OR5M1: variants seen among roughly 807,000 people sequenced by gnomAD.
OR5M1 encodes the protein olfactory receptor family 5 subfamily M member 1, also known as olfactory receptor 5M1.
For synonymous variants in OR5M1, 165 were observed against 144.2 expected, an observed-to-expected ratio of 1.14 and a Z score of -1.04; for missense variants, 367 against 379.5, an observed-to-expected ratio of 0.97 and a Z score of 0.27.
chr11:56,611,262 G>A lies in OR5M1; in HGVS notation c.*1293C>T, dbSNP rs1853674163. The A allele has an allele frequency of 6.6e-6, 1 of 152,066 alleles. No homozygotes were observed. The highest frequency in any genetic ancestry group is 2.4e-5 in the African/African-American group (1 of 41,424). The allele number at this position is 152,066 out of a possible 1,614,324, so 9.4% of individuals were successfully genotyped here. ...GCTAAAATGTAATTGTTAAATTCTT[G>A]TCACCGAAATTTGCCTTCCTTCTTT... On this transcript the variant is annotated 3_prime_UTR_variant, in exon 2 of 2. Coordinates refer to ENST00000641076, the MANE Select transcript of OR5M1 (RefSeq NM_001004740.2).
rs1430948559 is a variant in OR5M1, at chr11:56,610,188, G to A, written c.*2367C>T. ...TTAATATGAATATGTATGCCTTTGC[G>A]ACTGGGAAAATATATTAATAAAATG... On this transcript the variant is annotated 3_prime_UTR_variant, in exon 2 of 2. Coordinates refer to ENST00000641076, the MANE Select transcript of OR5M1 (RefSeq NM_001004740.2). 4 of 151,826 alleles carry A rather than the reference G, an allele frequency of 2.6e-5. No homozygotes were observed. The highest frequency in any genetic ancestry group is 4.8e-5 in the African/African-American group (2 of 41,378). 9.4% of individuals were successfully genotyped at this position (151,826 alleles called of 1,614,324 possible). A position where few individuals can be genotyped will look rare whatever the true frequency, so the allele number is the denominator to read the frequency against.
Position 56,613,472 on chromosome 11 carries a change from C to G in OR5M1, c.31G>C (p.Glu11Gln). The G allele has an allele frequency of 6.2e-7, 1 of 1,613,632 alleles. No homozygotes were observed. The highest frequency in any genetic ancestry group is 8.5e-7 in the Non-Finnish European group (1 of 1,179,614). The stretch of plus-strand genomic sequence containing the variant: ...TCTGTCAGTCCCAAGAGAATGAATT[C>G]TGTCACTATGGTGTGGTTTGGGGAG... MFSPNHTIVT[E>Q]FILLGLTDDP... is the part of the protein sequence containing the mutation. Residue 11 changes from glutamate to glutamine, a missense_variant, in exon 2 of 2, where the codon GAA becomes CAA. Coordinates refer to ENST00000641076, the MANE Select transcript of OR5M1 (RefSeq NM_001004740.2).
rs745610743 is a variant in OR5M1 at position 56,613,303 on chromosome 11, G to T, written c.200C>A (p.Ser67Tyr). ...GGAAGAATAGCAAATGTCTACAAAG[G>T]AGAGGTGGCCAAGGAAGAAATACAT... ...TPMYFFLGHL[S>Y]FVDICYSSNV... Residue 67 changes from serine to tyrosine, a missense_variant, in exon 2 of 2, where the codon TCC becomes TAC. By Grantham distance (144) the Ser-to-Tyr change is moderately radical. Coordinates refer to ENST00000641076, the MANE Select transcript of OR5M1 (RefSeq NM_001004740.2). 5.0e-6 allele frequency: 8 copies of T among 1,613,562 alleles called. No individual in the cohort carries two copies. The highest frequency in any genetic ancestry group is 6.8e-6 in the Non-Finnish European group (8 of 1,179,658).
At position 56,613,234 on chromosome 11, in the gene OR5M1, T is replaced by C. The variant is rs550177631; in HGVS notation, c.269A>G (p.Lys90Arg). Residue 90 changes from lysine (K) to arginine (R), a missense_variant, in exon 2 of 2, where the codon AAG (lysine) becomes AGG (arginine). Coordinates refer to ENST00000641076, the MANE Select transcript of OR5M1 (RefSeq NM_001004740.2). The stretch of plus-strand genomic sequence containing the variant: ...GAAGCATCCAGCGTAGGAGATGGTC[T>C]TCTGTTCTGAGAGGAAATTGTGCAG... The part of the protein sequence containing the change: ...NMLHNFLSEQ[K>R]TISYAGCFTQ... 1 of 1,613,730 alleles carries C rather than the reference T, an allele frequency of 6.2e-7. No homozygotes were observed. The highest frequency in any genetic ancestry group is 2.2e-5 in the East Asian group (1 of 44,880).
rs201321352 is a variant in OR5M1, at chr11:56,613,138, C to T, written c.365G>A (p.Arg122His). 1.1e-4 allele frequency: 170 copies of T among 1,613,808 alleles called. 1 individual carries two copies. In the African/African-American group the frequency reaches 1.5e-3, roughly 14 times the overall value. The change falls in exon 2 of 2, where the codon CGC becomes CAC. Residue 122 changes from arginine to histidine, a missense_variant. Transcript: ENST00000641076. ...CAAAGGGCTGCAAATGGCTACATAGCGATCCAATGCCATTGAAGCAAGGAT... is the reference window on the plus strand; with the variant it reads ...CAAAGGGCTGCAAATGGCTACATAGTGATCCAATGCCATTGAAGCAAGGAT... ...FYILASMALDRYVAICSPLHY... is the reference protein window; with the variant it reads ...FYILASMALDHYVAICSPLHY...
rs758892812 is a variant in OR5M1 at position 56,613,206 on chromosome 11, T to A, written c.297A>T (p.Thr99=). 1.2e-6 allele frequency: 2 copies of A among 1,613,742 alleles called. No individual in the cohort carries two copies. The highest frequency in any genetic ancestry group is 1.7e-6 in the Non-Finnish European group (2 of 1,179,734). Residue 99 remains threonine (T), a synonymous_variant, in exon 2 of 2, where the codon ACA becomes ACT. Transcript: ENST00000641076. ...QKTISYAGCF[T]QCLLFIALVI... ...CCAGGGCGATGAAGAGAAGACACTGTGTGAAGCATCCAGCGTAGGAGATGG... is the reference window on the plus strand; with the variant it reads ...CCAGGGCGATGAAGAGAAGACACTGAGTGAAGCATCCAGCGTAGGAGATGG...
chr11:56,613,819 AC>A (rs1343474230), intron 1 of OR5M1, among the ~76,000 whole-genome samples: 16 of 152,108 alleles, frequency 1.1e-4, no homozygotes, highest in African/African-American at 3.4e-4. Context: ...TTCTTGGTGT[AC>A]TCCACATTTG....
rs1853666317 is a variant in OR5M1 at position 56,610,760 on chromosome 11, A to T, written c.*1795T>A. 6.6e-6 allele frequency: 1 copy of T among 152,290 alleles called. No homozygotes were observed. Among genetic ancestry groups the T allele is most frequent in the South Asian group, 2.1e-4 (1 of 4,828 alleles). The allele number at this position is 152,290 out of a possible 1,614,324, so 9.4% of individuals were successfully genotyped here. A position where few individuals can be genotyped will look rare whatever the true frequency, so the allele number is the denominator to read the frequency against. ...TCTGAGGTGACTTTTACCCAAAGAC[A>T]TGCAGAAGGAAAAAATTAAATCACA... On this transcript the variant is annotated 3_prime_UTR_variant, in exon 2 of 2. Coordinates refer to ENST00000641076, the MANE Select transcript of OR5M1 (RefSeq NM_001004740.2).
Position 56,610,705 on chromosome 11 carries a change from A to G in OR5M1, c.*1850T>C, listed in dbSNP as rs558874017. 3.9e-5 allele frequency: 6 copies of G among 152,128 alleles called. No homozygotes were observed. The highest frequency in any genetic ancestry group is 7.4e-5 in the Non-Finnish European group (5 of 68,002). 9.4% of individuals were successfully genotyped at this position (152,128 alleles called of 1,614,324 possible). A position where few individuals can be genotyped will look rare whatever the true frequency, so the allele number is the denominator to read the frequency against. On this transcript the variant is annotated 3_prime_UTR_variant, in exon 2 of 2. Coordinates refer to ENST00000641076, the MANE Select transcript of OR5M1 (RefSeq NM_001004740.2). ...CTTATAATTACTTTTATTCATGTCGATTTATGTTCTATCCTATCTCCAAAG... is the reference window on the plus strand; with the variant it reads ...CTTATAATTACTTTTATTCATGTCGGTTTATGTTCTATCCTATCTCCAAAG...
In OR5M1 at chr11:56,612,066, T is replaced by A. The variant is rs1853685923; in HGVS notation, c.*489A>T. 6.6e-6 allele frequency: 1 copy of A among 152,336 alleles called. No homozygotes were observed. Among genetic ancestry groups the A allele is most frequent in the Non-Finnish European group, 1.5e-5 (1 of 68,192 alleles). 9.4% of individuals were successfully genotyped at this position (152,336 alleles called of 1,614,324 possible). A position where few individuals can be genotyped will look rare whatever the true frequency, so the allele number is the denominator to read the frequency against. On this transcript the variant is annotated 3_prime_UTR_variant, in exon 2 of 2. Coordinates refer to ENST00000641076, the MANE Select transcript of OR5M1 (RefSeq NM_001004740.2). ...TTTAACGTATCAGTGACCCATATAT[T>A]TATATTTTTTGCACATTGATTACAA...
At chr11:56,613,885 A>G (rs1853713113) in intron 1 of OR5M1, among the ~76,000 whole-genome samples, 1 of 152,206 alleles carries the variant, frequency 6.6e-6, no homozygotes, top group African/African-American at 2.4e-5. Flanking sequence ...ATGAAAATTA[A>G]ATACAAAAAC....
At position 56,610,690 on chromosome 11, in the gene OR5M1, C is replaced by T. The variant is rs1426412553; in HGVS notation, c.*1865G>A. The stretch of plus-strand genomic sequence containing the variant: ...ACTGTGACTGCAACTCTTATAATTA[C>T]TTTTATTCATGTCGATTTATGTTCT... On this transcript the variant is annotated 3_prime_UTR_variant, in exon 2 of 2. Transcript: ENST00000641076. 6.6e-6 allele frequency: 1 copy of T among 152,102 alleles called. No individual in the cohort carries two copies. Among genetic ancestry groups the T allele is most frequent in the African/African-American group, 2.4e-5 (1 of 41,434 alleles). 9.4% of individuals were successfully genotyped at this position (152,102 alleles called of 1,614,324 possible). A position where few individuals can be genotyped will look rare whatever the true frequency, so the allele number is the denominator to read the frequency against.
chr11:56,614,587 A>G (rs1853723027), intron 1 of OR5M1, among the ~76,000 whole-genome samples: 1 of 152,102 alleles, frequency 6.6e-6, no homozygotes, highest in South Asian at 2.1e-4. Context: ...AAAGTAACAT[A>G]AGATTGTAAA....
chr11:56,613,983 T>A (rs989273453), intron 1 of OR5M1, among the ~76,000 whole-genome samples: 2 of 152,168 alleles, frequency 1.3e-5, no homozygotes, highest in African/African-American at 4.8e-5. Flanking sequence ...TTGTTTCAGA[T>A]ACAAAATGAA....
rs189102763 is a variant in OR5M1 at position 56,612,368 on chromosome 11, T to C, written c.*187A>G. 2.5e-5 allele frequency: 10 copies of C among 400,462 alleles called. No individual in the cohort carries two copies. The highest frequency in any genetic ancestry group is 4.0e-5 in the Non-Finnish European group (9 of 225,034). The allele number at this position is 400,462 out of a possible 1,614,324, so 24.8% of individuals were successfully genotyped here. ...AGAATTTCTGACAAATAAAACATTT[T>C]AAATTTCTCAACATTAAGGCTTTTA... On this transcript the variant is annotated 3_prime_UTR_variant, in exon 2 of 2. Transcript: ENST00000641076.
Position 56,613,083 on chromosome 11 carries a change from G to A in OR5M1, c.420C>T (p.Ile140=), listed in dbSNP as rs780639637. The part of the protein sequence containing the change: ...LHYSSRMSKN[I]CVCLVTIPYM... ...AAGGGATAGTGACCAGACAGACACA[G>A]ATGTTCTTGGACATCCTGGAACTGT... The change falls in exon 2 of 2, where the codon ATC becomes ATT. Residue 140 remains isoleucine (I), a synonymous_variant. Transcript: ENST00000641076. 6.2e-6 allele frequency: 10 copies of A among 1,613,644 alleles called. No homozygotes were observed. The highest frequency in any genetic ancestry group is 1.7e-5 in the Admixed American group (1 of 59,940).
At position 56,612,910 on chromosome 11, in the gene OR5M1, G is replaced by T; in HGVS notation, c.593C>A (p.Ala198Glu). ...ATTAAAGCCTGCAACTACAAACATT[G>T]CCATCTTTTTGACACGGGTGTCAGA... ...ACSDTRVKKMAMFVVAGFNLS... is the reference protein window; with the variant it reads ...ACSDTRVKKMEMFVVAGFNLS... The change falls in exon 2 of 2, where the codon GCA becomes GAA. Residue 198 changes from alanine (A) to glutamate (E), a missense_variant. Ala to Glu is a moderately radical substitution (Grantham distance 107). Coordinates refer to ENST00000641076, the MANE Select transcript of OR5M1 (RefSeq NM_001004740.2). 6.2e-7 allele frequency: 1 copy of T among 1,613,718 alleles called. No homozygotes were observed. The highest frequency in any genetic ancestry group is 8.5e-7 in the Non-Finnish European group (1 of 1,179,744).
At position 56,611,791 on chromosome 11, in the gene OR5M1, A is replaced by T. The variant is rs1853681934; in HGVS notation, c.*764T>A. Reference sequence around the variant, plus strand: ...TTTCAAGACATTTGTGGGTATGCACAGGGCAGTTAATAGACCCTATTGACT... The same window carrying T: ...TTTCAAGACATTTGTGGGTATGCACTGGGCAGTTAATAGACCCTATTGACT... On this transcript the variant is annotated 3_prime_UTR_variant, in exon 2 of 2. Coordinates refer to ENST00000641076, the MANE Select transcript of OR5M1 (RefSeq NM_001004740.2). The T allele has an allele frequency of 6.6e-6, 1 of 152,160 alleles. No individual in the cohort carries two copies. Among genetic ancestry groups the T allele is most frequent in the Admixed American group, 6.6e-5 (1 of 15,252 alleles). 9.4% of individuals were successfully genotyped at this position (152,160 alleles called of 1,614,324 possible). A position where few individuals can be genotyped will look rare whatever the true frequency, so the allele number is the denominator to read the frequency against.
chr11:56,610,781 T>A lies in OR5M1; in HGVS notation c.*1774A>T, dbSNP rs997468712. The A allele has an allele frequency of 2.0e-5, 3 of 151,864 alleles. No individual in the cohort carries two copies. The highest frequency in any genetic ancestry group is 7.3e-5 in the African/African-American group (3 of 41,360). The allele number at this position is 151,864 out of a possible 1,614,324, so 9.4% of individuals were successfully genotyped here. On this transcript the variant is annotated 3_prime_UTR_variant, in exon 2 of 2. Coordinates refer to ENST00000641076, the MANE Select transcript of OR5M1 (RefSeq NM_001004740.2). ...AGACATGCAGAAGGAAAAAATTAAATCACAAATAGAAATAAATAAAATATT... is the reference window on the plus strand; with the variant it reads ...AGACATGCAGAAGGAAAAAATTAAAACACAAATAGAAATAAATAAAATATT...
Sources: allele counts gnomAD v4.1 joint callset (sites outside exome capture counted in the v4.1 genomes callset), GRCh38; gene constraint gnomAD v4.1.1; transcripts MANE v1.5; gene names NCBI Gene and HGNC (gene_info 2026-07-23, HGNC 2026-07-21).